The following SPOCK1 variants were observed in gnomAD, a reference collection of about 807,000 sequenced individuals.
The protein encoded by SPOCK1 is SPARC (osteonectin), cwcv and kazal like domains proteoglycan 1, also known as testican-1.
Under a neutral mutation model 55.3 loss-of-function variants are expected in SPOCK1, and 23 were observed. The ratio of observed to expected loss-of-function variants is 0.42; its 90% CI spans 0.30 to 0.59. The LOEUF is 0.59. Ranked by LOEUF, SPOCK1 falls within the 20% of genes least tolerant of loss-of-function variation. The pLI is 0.22. For missense variants in SPOCK1, 499 were observed against 552.5 expected, an observed-to-expected ratio of 0.90 and a Z score of 0.97; for synonymous variants, 226 against 221.0, an observed-to-expected ratio of 1.02 and a Z score of -0.20.
intron 5 of SPOCK1, among the ~76,000 whole-genome samples, chr5:137,107,248 T>C (rs1255942663): frequency 6.6e-6 from 1 of 152,234 alleles, no homozygotes; most frequent in African/African-American, 2.4e-5. Flanking sequence ...TTTAACACAG[T>C]GTATGGTACA....
chr5:137,246,904 T>C (rs766072861), intron 3 of SPOCK1, among the ~76,000 whole-genome samples: 1 of 152,196 alleles, frequency 6.6e-6, no homozygotes, highest in Non-Finnish European at 1.5e-5. Flanking sequence ...GGTAGGTCTT[T>C]AGATTACCTA....
At chr5:137,374,460 G>A (rs1355358364) in intron 2 of SPOCK1, among the ~76,000 whole-genome samples, 1 of 152,182 alleles carries the variant, frequency 6.6e-6, no homozygotes, top group Non-Finnish European at 1.5e-5. Context: ...TTCCCATGAT[G>A]AGCGATGCAC....
chr5:137,309,018 AT>A (rs368413535), intron 2 of SPOCK1, among the ~76,000 whole-genome samples: 253 of 152,182 alleles, frequency 1.7e-3, no homozygotes, highest in East Asian at 0.01. Context: ...GAGATGCTGG[AT>A]TTTTTCCCCC....
At chr5:137,128,085 G>A (rs773311459) in intron 4 of SPOCK1, among the ~76,000 whole-genome samples, 1 of 152,168 alleles carries the variant, frequency 6.6e-6, no homozygotes, top group African/African-American at 2.4e-5. Context: ...CATGAAAGTG[G>A]AGACCTCATG....
chr5:137,300,978 T>A (rs1237042851), intron 2 of SPOCK1, among the ~76,000 whole-genome samples: 1 of 152,162 alleles, frequency 6.6e-6, no homozygotes, highest in African/African-American at 2.4e-5. Context: ...GAGAAGAGGC[T>A]TCTTTAGGAG....
At chr5:137,394,931 G>A (rs530071936) in intron 2 of SPOCK1, among the ~76,000 whole-genome samples, 2 of 152,332 alleles carry the variant, frequency 1.3e-5, no homozygotes, top group Admixed American at 6.5e-5. Flanking sequence ...GTTACTCAGG[G>A]AAAGGGTAAA....
chr5:137,445,346 T>C (rs1289569479), intron 2 of SPOCK1, among the ~76,000 whole-genome samples: 1 of 152,228 alleles, frequency 6.6e-6, no homozygotes, highest in Non-Finnish European at 1.5e-5. Context: ...AGCTGCATTT[T>C]ATTTGTGATC....
At chr5:137,039,481 C>A (rs553183898) in intron 6 of SPOCK1, among the ~76,000 whole-genome samples, 17 of 152,018 alleles carry the variant, frequency 1.1e-4, no homozygotes, top group Middle Eastern at 3.2e-3. Context: ...ATTATTCCAC[C>A]CTGTATGCTG....
intron 6 of SPOCK1, among the ~76,000 whole-genome samples, chr5:137,000,097 G>A (rs1035436780): frequency 3.9e-5 from 6 of 152,240 alleles, no homozygotes; most frequent in African/African-American, 1.2e-4. Context: ...TAGTGCCTCC[G>A]AAGGTGATTA....
chr5:137,071,198 T>C (rs2127008043), intron 5 of SPOCK1, among the ~76,000 whole-genome samples: 1 of 152,174 alleles, frequency 6.6e-6, no homozygotes, highest in Middle Eastern at 3.4e-3. Context: ...CTCACTACAT[T>C]GCCCAGGCTG....
At chr5:137,223,998 T>C (rs1166035611) in intron 3 of SPOCK1, among the ~76,000 whole-genome samples, 2 of 152,182 alleles carry the variant, frequency 1.3e-5, no homozygotes, top group Non-Finnish European at 2.9e-5. Flanking sequence ...GAGGTCTTTT[T>C]CCCCTAACTA....
chr5:137,342,881 CT>C (rs1349088871), intron 2 of SPOCK1, among the ~76,000 whole-genome samples: 3 of 152,194 alleles, frequency 2.0e-5, no homozygotes, highest in African/African-American at 7.2e-5. Context: ...TTACCTGACC[CT>C]TTCAGAAGTA....
At chr5:137,343,994 T>G (rs773212368) in intron 2 of SPOCK1, among the ~76,000 whole-genome samples, 1 of 152,250 alleles carries the variant, frequency 6.6e-6, no homozygotes, top group Non-Finnish European at 1.5e-5. Flanking sequence ...CCCAGTGAAC[T>G]CTTTTCCCCA....
intron 3 of SPOCK1, among the ~76,000 whole-genome samples, chr5:137,187,011 C>G (rs1303278140): frequency 6.6e-6 from 1 of 152,172 alleles, no homozygotes; most frequent in Admixed American, 6.5e-5. Context: ...TGACATTGCC[C>G]CATCCAGTCC....
rs554557545 is a variant in SPOCK1 at position 137,001,444 on chromosome 5, G to A, written c.590-8844C>T. On this transcript the variant is annotated intron_variant, in intron 6 of 10. Transcript: ENST00000394945. The stretch of plus-strand genomic sequence containing the variant: ...GTGGATGATATCTCCCAGGTCCTAC[G>A]GATGGTAAACGGCAAAACTGAATTC... Among the ~76,000 whole-genome samples the A allele has an allele frequency of 3.2e-4, 48 of 152,270 alleles. No homozygotes were observed. In the South Asian group the frequency reaches 5.8e-3, roughly 18 times the overall value.
At chr5:137,211,429 A>T (rs1036344942) in intron 3 of SPOCK1, among the ~76,000 whole-genome samples, 11 of 152,226 alleles carry the variant, frequency 7.2e-5, no homozygotes, top group African/African-American at 2.7e-4. Context: ...CTGGTTTCTG[A>T]GACAAAGCTC....
At chr5:137,492,998 C>T (rs896765975) in intron 2 of SPOCK1, among the ~76,000 whole-genome samples, 4 of 152,166 alleles carry the variant, frequency 2.6e-5, no homozygotes, top group East Asian at 1.9e-4. Flanking sequence ...CATCTCACAC[C>T]GAATGAAACA....
At chr5:137,187,252 C>G (rs1755087384) in intron 3 of SPOCK1, among the ~76,000 whole-genome samples, 1 of 152,212 alleles carries the variant, frequency 6.6e-6, no homozygotes, top group East Asian at 1.9e-4. Flanking sequence ...CCAGGCTCAT[C>G]TGTCAGCAGC....
intron 2 of SPOCK1, among the ~76,000 whole-genome samples, chr5:137,397,434 G>C (rs973796897): frequency 2.0e-5 from 3 of 152,142 alleles, no homozygotes; most frequent in Admixed American, 6.5e-5. Context: ...TTCCTAACTG[G>C]ATCATAAACT....
Sources: gnomAD v4.1 joint callset for allele counts (sites outside exome capture counted in the v4.1 genomes callset) on GRCh38, gnomAD v4.1.1 for gene constraint, MANE v1.5 for transcripts, NCBI Gene and HGNC (gene_info 2026-07-23, HGNC 2026-07-21) for gene names.